Variants in MARCO observed in about 807,000 individuals in gnomAD.
The protein encoded by MARCO is macrophage receptor MARCO.
MARCO carries 72 observed loss-of-function variants against 70.0 expected under a neutral mutation model. The ratio of observed to expected loss-of-function variants is 1.03; its 90% CI spans 0.85 to 1.25. MARCO has a LOEUF of 1.25. Among genes scored for constraint, MARCO ranks in the 50% most tolerant of loss-of-function variants. MARCO has a pLI of 0.00. For synonymous variants in MARCO, 273 were observed against 243.1 expected, an observed-to-expected ratio of 1.12 and a Z score of -1.14; for missense variants, 696 against 659.3, an observed-to-expected ratio of 1.06 and a Z score of -0.61.
chr2:118,984,892 C>A (rs79441137), intron 12 of MARCO, among the ~76,000 whole-genome samples: 6,812 of 152,216 alleles, frequency 0.045, 487 homozygotes, highest in African/African-American at 0.16. Context: ...TGATGTATTT[C>A]CCATTTTGTA....
At chr2:118,963,905 G>A (rs1679995140) in intron 1 of MARCO, among the ~76,000 whole-genome samples, 1 of 151,928 alleles carries the variant, frequency 6.6e-6, no homozygotes. Context: ...TGTGTTTTCT[G>A]TTTTTTCTTT....
chr2:118,954,492 T>G (rs950842651), intron 1 of MARCO, among the ~76,000 whole-genome samples: 1 of 152,196 alleles, frequency 6.6e-6, no homozygotes, highest in African/African-American at 2.4e-5. Flanking sequence ...CCTGCCCTGG[T>G]GGCAGAAGAC....
At chr2:118,991,335 T>C (rs1680618272) in intron 13 of MARCO, among the ~76,000 whole-genome samples, 1 of 151,468 alleles carries the variant, frequency 6.6e-6, no homozygotes, top group Non-Finnish European at 1.5e-5. Flanking sequence ...ACAGGATAGC[T>C]CACTGTAGCC....
rs1357745303 is a variant in MARCO, at chr2:118,974,346, C to T, written c.474C>T (p.His158=). 6.2e-7 allele frequency: 1 copy of T among 1,601,350 alleles called. No individual in the cohort carries two copies. The highest frequency in any genetic ancestry group is 1.1e-5 in the South Asian group (1 of 88,606). The change falls in exon 5 of 17, where the codon CAC becomes CAT. Residue 158 remains histidine (H), a synonymous_variant. Transcript: ENST00000327097. ...GEQGAPGLQG[H]KGAMGMPGAP... is the part of the protein sequence containing the mutation. Reference sequence around the variant, plus strand: ...CCTCTTCCTCAGGTCTTCAAGGTCACAAGGGGGCCATGGGCATGCCTGGTG... The same window carrying T: ...CCTCTTCCTCAGGTCTTCAAGGTCATAAGGGGGCCATGGGCATGCCTGGTG...
At chr2:118,951,042 C>T (rs1484474286) in intron 1 of MARCO, among the ~76,000 whole-genome samples, 3 of 152,198 alleles carry the variant, frequency 2.0e-5, no homozygotes, top group Non-Finnish European at 4.4e-5. Flanking sequence ...TGACTCCTTC[C>T]TGAATCTGTA....
Position 118,991,828 on chromosome 2 carries a change from A to C in MARCO, c.1160A>C (p.Lys387Thr), listed in dbSNP as rs779363035. Residue 387 changes from lysine (K) to threonine (T), a missense_variant, in exon 14 of 17, where the codon AAG becomes ACG. By Grantham distance (78) the Lys-to-Thr change is moderately conservative. Around this residue, in one of 3 missense-constraint regions of MARCO, gnomAD observed 605 missense variants for 537.6 expected, o/e 1.13. Coordinates refer to ENST00000327097, the MANE Select transcript of MARCO (RefSeq NM_006770.4). ...GGGAGCCCAGGGCTGGCAGGTCCCAAGGGAGCCCCTGGACAAGCTGGCCAG... is the reference window on the plus strand; with the variant it reads ...GGGAGCCCAGGGCTGGCAGGTCCCACGGGAGCCCCTGGACAAGCTGGCCAG... ...EQGSPGLAGP[K>T]GAPGQAGQKG... 2 of 1,601,288 alleles carry C rather than the reference A, an allele frequency of 1.2e-6. No homozygotes were observed. The highest frequency in any genetic ancestry group is 1.7e-6 in the Non-Finnish European group (2 of 1,175,270).
At chr2:118,993,356 C>T in intron 16 of MARCO, 56 bp downstream of exon 16, 1 of 1,557,082 alleles carries the variant, frequency 6.4e-7, no homozygotes, top group African/African-American at 1.4e-5. Context: ...GTGGCTTTCT[C>T]TCGCTGGTGG....
chr2:118,960,111 T>C (rs1214579408), intron 1 of MARCO, among the ~76,000 whole-genome samples: 1 of 132,078 alleles, frequency 7.6e-6, no homozygotes. Context: ...TATGGAAAAA[T>C]AAAATAAAAT....
chr2:118,993,522 G>T (rs993360318), intron 16 of MARCO, among the ~76,000 whole-genome samples: 2 of 152,218 alleles, frequency 1.3e-5, no homozygotes, highest in Non-Finnish European at 2.9e-5. Context: ...TGACAGTGAA[G>T]GCTGGCCTGG....
chr2:118,986,655 AGG>A (rs1349957242), intron 12 of MARCO, among the ~76,000 whole-genome samples: 5,423 of 44,162 alleles, frequency 0.12, 348 homozygotes, highest in East Asian at 0.37. Context: ...GAAAGAAAGA[AGG>A]AAGGAAGGAA....
At chr2:118,948,117 A>C (rs1489603929) in intron 1 of MARCO, among the ~76,000 whole-genome samples, 1 of 152,204 alleles carries the variant, frequency 6.6e-6, no homozygotes, top group Non-Finnish European at 1.5e-5. Flanking sequence ...AGAAATAGAT[A>C]ATTGGTGCCA....
chr2:118,961,693 C>A (rs958747411), intron 1 of MARCO, among the ~76,000 whole-genome samples: 1 of 152,080 alleles, frequency 6.6e-6, no homozygotes, highest in Non-Finnish European at 1.5e-5. Context: ...ATGATAGTGT[C>A]TTTTGCTGTG....
At position 118,962,974 on chromosome 2, in the gene MARCO, C is replaced by T. The variant is rs1042990315; in HGVS notation, c.98-6186C>T. The stretch of plus-strand genomic sequence containing the variant: ...TGTTTCATTTCTGATATTGGCTATC[C>T]GTGTCTTCTTTCATTTTTATTTTTG... On this transcript the variant is annotated intron_variant, in intron 1 of 16. Coordinates refer to ENST00000327097, the MANE Select transcript of MARCO (RefSeq NM_006770.4). 5.9e-5 allele frequency among the ~76,000 whole-genome samples: 9 copies of T among 151,652 alleles called. No individual in the cohort carries two copies. In the East Asian group the frequency reaches 1.2e-3, roughly 19 times the overall value.
At chr2:118,989,862 G>A (rs989486660) in intron 12 of MARCO, among the ~76,000 whole-genome samples, 5 of 152,130 alleles carry the variant, frequency 3.3e-5, no homozygotes, top group Non-Finnish European at 4.4e-5. Flanking sequence ...ATAAATATTG[G>A]CACTTAAAAT....
intron 10 of MARCO, 104 bp from the exon 11 acceptor site, chr2:118,982,052 T>G: frequency 1.4e-6 from 1 of 734,408 alleles, no homozygotes; most frequent in South Asian, 1.7e-5. Context: ...CTGTAAGGTG[T>G]TAAGAGGTAC....
chr2:118,965,354 G>A (rs1680025405), intron 1 of MARCO, among the ~76,000 whole-genome samples: 1 of 152,058 alleles, frequency 6.6e-6, no homozygotes, highest in African/African-American at 2.4e-5. Context: ...CATCTACCAA[G>A]TCTTTTTTCT....
At chr2:118,953,953 C>T (rs886736560) in intron 1 of MARCO, among the ~76,000 whole-genome samples, 1 of 152,188 alleles carries the variant, frequency 6.6e-6, no homozygotes, top group African/African-American at 2.4e-5. Flanking sequence ...TCCTGGCTGG[C>T]ACCACAGGAA....
In MARCO at chr2:118,981,641, GC is replaced by G; in HGVS notation, c.887del (p.Ala296ValfsTer52). 1 of 1,613,958 alleles carries G rather than the reference GC, an allele frequency of 6.2e-7. No individual in the cohort carries two copies. Among genetic ancestry groups the G allele is most frequent in the Non-Finnish European group, 8.5e-7 (1 of 1,179,980 alleles). On this transcript the variant is annotated frameshift_variant, in exon 10 of 17. Transcript: ENST00000327097. LOFTEE classifies it high-confidence loss of function. ...CTTAGGTTTGGCTGGTTTTCCTGGAGCTAAAGGAGATCAAGGTAAGAACTAC... is the reference window on the plus strand; with the variant it reads ...CTTAGGTTTGGCTGGTTTTCCTGGAGTAAAGGAGATCAAGGTAAGAACTAC... ...GPPGLAGFPG[A>X]KGDQGQPGLQ... is the part of the protein sequence containing the mutation.
intron 1 of MARCO, among the ~76,000 whole-genome samples, chr2:118,963,593 C>T (rs937674568): frequency 2.0e-5 from 3 of 152,006 alleles, no homozygotes; most frequent in South Asian, 2.1e-4. Flanking sequence ...TCTGTGTGTT[C>T]ATTAGATACT....
Sources: gnomAD v4.1 joint callset for allele counts (sites outside exome capture counted in the v4.1 genomes callset) on GRCh38, gnomAD v4.1.1 for gene constraint, gnomAD v4.1.1 regional missense constraint, MANE v1.5 for transcripts, NCBI Gene and HGNC (gene_info 2026-07-23, HGNC 2026-07-21) for gene names.